RNLS: variants seen among roughly 807,000 people sequenced by gnomAD.
RNLS encodes renalase.
In RNLS, 39 loss-of-function variants were observed where a neutral mutation model predicts 39.8. The observed-to-expected ratio is 0.98, with a 90% CI of 0.76 to 1.28. The LOEUF is 1.28. Ranked by LOEUF, RNLS falls within the 50% of genes most tolerant of loss-of-function variation. The probability of loss-of-function intolerance (pLI) is 0.00; values close to 1 mark genes in which losing one functional copy is unlikely to be tolerated. For missense variants in RNLS, 410 were observed against 413.3 expected (o/e 0.99, Z 0.07); for synonymous variants, 147 against 150.7 (o/e 0.98, Z 0.18).
At chr10:88,275,225 A>G (rs1564655126) in intron 6 of RNLS, among the ~76,000 whole-genome samples, 2 of 151,990 alleles carry the variant, frequency 1.3e-5, no homozygotes, top group Admixed American at 1.3e-4. Context: ...CCCATTTTAC[A>G]TTCTTTATCC....
chr10:88,349,996 T>C lies in RNLS; in HGVS notation c.700+12556A>G, dbSNP rs182913932. On this transcript the variant is annotated intron_variant, in intron 5 of 6. Transcript: ENST00000331772. ...CATGATTACTAGTCACTGCTTATTA[T>C]TTTAAGATGAGGATTACTAATTTAT... Among the ~76,000 whole-genome samples the C allele has an allele frequency of 3.8e-4, 58 of 152,254 alleles. No homozygotes were observed. In the East Asian group the frequency reaches 0.01, roughly 26 times the overall value.
intron 4 of RNLS, among the ~76,000 whole-genome samples, chr10:88,543,542 A>T (rs1848151321): frequency 1.3e-5 from 2 of 152,202 alleles, no homozygotes; most frequent in South Asian, 4.1e-4. Flanking sequence ...ATTAAAAAAG[A>T]CACATAGGAA....
the RNLS span, among the ~76,000 whole-genome samples, chr10:88,222,522 A>G: frequency 2.0e-5 from 3 of 152,160 alleles, no homozygotes; most frequent in Non-Finnish European, 4.4e-5. Flanking sequence ...TAATAATAAT[A>G]TACCTTAGGG....
At chr10:88,521,087 T>C (rs998740337) in intron 4 of RNLS, among the ~76,000 whole-genome samples, 2 of 152,008 alleles carry the variant, frequency 1.3e-5, no homozygotes, top group African/African-American at 4.8e-5. Context: ...GGTAATCTAT[T>C]TACCTTGTCC....
At chr10:88,523,178 C>T (rs1053917910) in intron 4 of RNLS, among the ~76,000 whole-genome samples, 3 of 152,098 alleles carry the variant, frequency 2.0e-5, no homozygotes, top group Non-Finnish European at 2.9e-5. Flanking sequence ...TCAGAAGAGT[C>T]ATTTTTCTCA....
At chr10:88,373,767 T>C (rs1294021754) in intron 4 of RNLS, among the ~76,000 whole-genome samples, 2 of 152,088 alleles carry the variant, frequency 1.3e-5, no homozygotes, top group Admixed American at 6.6e-5. Flanking sequence ...AATATGAAAA[T>C]GGGTGATTGA....
chr10:88,478,623 C>T (rs900157981), intron 4 of RNLS, among the ~76,000 whole-genome samples: 101 of 152,194 alleles, frequency 6.6e-4, no homozygotes, highest in Non-Finnish European at 2.4e-4. Flanking sequence ...AAAATAAACC[C>T]ACAAGACACA....
downstream of RNLS, among the ~76,000 whole-genome samples, chr10:88,272,000 A>G (rs1842662481): frequency 6.6e-6 from 1 of 152,174 alleles, no homozygotes; most frequent in South Asian, 2.1e-4. Context: ...GTGCAGCCCT[A>G]GGCTCAATCC....
intron 1 of RNLS, among the ~76,000 whole-genome samples, chr10:88,582,766 C>G (rs575088837): frequency 1.3e-5 from 2 of 152,366 alleles, no homozygotes; most frequent in African/African-American, 4.8e-5. Context: ...CCAAGCTTTG[C>G]AAACTCGGGT....
chr10:88,570,849 T>C (rs959799868), intron 4 of RNLS, among the ~76,000 whole-genome samples: 2 of 152,202 alleles, frequency 1.3e-5, no homozygotes, highest in African/African-American at 4.8e-5. Context: ...GTTTCAATTA[T>C]GCAAGGTAAG....
intron 4 of RNLS, among the ~76,000 whole-genome samples, chr10:88,498,734 C>T (rs1261323594): frequency 6.6e-6 from 1 of 151,816 alleles, no homozygotes; most frequent in Non-Finnish European, 1.5e-5. Flanking sequence ...CTACAAATTA[C>T]TCTTGAACAG....
chr10:88,237,520 T>C, the RNLS span, among the ~76,000 whole-genome samples: 1 of 152,152 alleles, frequency 6.6e-6, no homozygotes, highest in Non-Finnish European at 1.5e-5. Flanking sequence ...GGTGATAATA[T>C]TTATATACTT....
chr10:88,529,511 T>C (rs1847296491), intron 4 of RNLS, among the ~76,000 whole-genome samples: 1 of 152,200 alleles, frequency 6.6e-6, no homozygotes, highest in Admixed American at 6.5e-5. Context: ...AGGATTGTTA[T>C]TTATTGCTCT....
At chr10:88,404,990 T>C (rs944384851) in intron 4 of RNLS, among the ~76,000 whole-genome samples, 2 of 152,010 alleles carry the variant, frequency 1.3e-5, no homozygotes, top group African/African-American at 4.8e-5. Flanking sequence ...GTCAGCTGGG[T>C]AGTATCTGGG....
the RNLS span, among the ~76,000 whole-genome samples, chr10:88,194,872 A>G: frequency 1.3e-5 from 2 of 152,246 alleles, no homozygotes; most frequent in African/African-American, 4.8e-5. Context: ...GTACAAAAAG[A>G]GGAACTAGGC....
At chr10:88,505,666 C>A (rs184641504) in intron 4 of RNLS, among the ~76,000 whole-genome samples, 3 of 152,222 alleles carry the variant, frequency 2.0e-5, no homozygotes, top group Admixed American at 6.6e-5. Context: ...ATTTATATCA[C>A]CTTTCCCTTA....
chr10:88,354,568 T>G (rs1216294270), intron 5 of RNLS, among the ~76,000 whole-genome samples: 2 of 151,994 alleles, frequency 1.3e-5, no homozygotes, highest in Non-Finnish European at 2.9e-5. Context: ...GGCTTGTAAT[T>G]TCTGCCGAGA....
chr10:88,234,061 C>T, the RNLS span, among the ~76,000 whole-genome samples: 2 of 147,732 alleles, frequency 1.4e-5, no homozygotes, highest in Non-Finnish European at 3.0e-5. Context: ...AGGAAGTGGG[C>T]GATGGCCCTG....
chr10:88,566,624 G>A (rs1244744447), intron 4 of RNLS, among the ~76,000 whole-genome samples: 3 of 152,234 alleles, frequency 2.0e-5, no homozygotes, highest in South Asian at 4.1e-4. Flanking sequence ...CCTCAAGGAA[G>A]GGGCCAAAAG....
Sources: allele counts gnomAD v4.1 joint callset (sites outside exome capture counted in the v4.1 genomes callset), GRCh38; gene constraint gnomAD v4.1.1; transcripts MANE v1.5; gene names NCBI Gene and HGNC (gene_info 2026-07-23, HGNC 2026-07-21).